MACROD2: variants seen among roughly 807,000 people sequenced by gnomAD.
The protein encoded by MACROD2 is ADP-ribose glycohydrolase MACROD2.
MACROD2 carries 36 observed loss-of-function variants against 70.4 expected under a neutral mutation model. That is an observed-to-expected ratio of 0.51 (90% CI 0.39 to 0.68). The LOEUF (loss-of-function observed/expected upper bound fraction) is 0.68, where lower values mean the gene tolerates loss of function less well. Among genes scored for constraint, MACROD2 ranks in the 30% least tolerant of loss-of-function variants. The pLI, the probability that MACROD2 is intolerant of heterozygous loss-of-function variation, is 0.00. For missense variants in MACROD2, 496 were observed against 538.4 expected, an observed-to-expected ratio of 0.92 and a Z score of 0.78; for synonymous variants, 172 against 178.8, an observed-to-expected ratio of 0.96 and a Z score of 0.30.
chr20:16,042,971 T>C (rs890605893), intron 16 of MACROD2, among the ~76,000 whole-genome samples: 4 of 152,022 alleles, frequency 2.6e-5, no homozygotes, highest in Admixed American at 2.0e-4. Context: ...TAATTTCATG[T>C]TTGTGAAAAA....
At chr20:15,536,713 GAAT>G (rs1281797942) in intron 8 of MACROD2, among the ~76,000 whole-genome samples, 4 of 152,154 alleles carry the variant, frequency 2.6e-5, no homozygotes, top group Non-Finnish European at 5.9e-5. Context: ...AACAACTTCT[GAAT>G]AATAATTTCT....
intron 3 of MACROD2, among the ~76,000 whole-genome samples, chr20:14,255,187 TA>T (rs2082043706): frequency 1.3e-5 from 2 of 152,060 alleles, no homozygotes; most frequent in South Asian, 4.2e-4. Context: ...ACCTTAAATG[TA>T]AATGGGCTAA....
intron 3 of MACROD2, among the ~76,000 whole-genome samples, chr20:14,337,845 T>C (rs1202068249): frequency 6.6e-6 from 1 of 152,170 alleles, no homozygotes. Context: ...AATCTCAACA[T>C]TTTCTAAAGT....
chr20:14,826,445 A>G (rs1045441353), intron 5 of MACROD2, among the ~76,000 whole-genome samples: 6 of 152,054 alleles, frequency 3.9e-5, no homozygotes, highest in Non-Finnish European at 7.4e-5. Flanking sequence ...ATTTGTTTTA[A>G]GATTCTGTTT....
At chr20:15,702,057 G>A (rs905125287) in intron 8 of MACROD2, among the ~76,000 whole-genome samples, 5 of 152,158 alleles carry the variant, frequency 3.3e-5, no homozygotes, top group African/African-American at 9.7e-5. Context: ...CCTTTATCCA[G>A]TCTACCATTG....
chr20:15,210,980 C>G (rs541123354), intron 5 of MACROD2, among the ~76,000 whole-genome samples: 1 of 152,264 alleles, frequency 6.6e-6, no homozygotes, highest in Admixed American at 6.5e-5. Flanking sequence ...TTTTTTCAAA[C>G]GTACAATTCA....
chr20:14,063,418 A>AT (rs1471111804), intron 2 of MACROD2, among the ~76,000 whole-genome samples: 4 of 152,190 alleles, frequency 2.6e-5, no homozygotes, highest in African/African-American at 9.7e-5. Flanking sequence ...TTTTAGGCAC[A>AT]TCCATATGCT....
At chr20:15,978,018 A>G (rs1192960256) in intron 13 of MACROD2, among the ~76,000 whole-genome samples, 1 of 152,164 alleles carries the variant, frequency 6.6e-6, no homozygotes, top group Non-Finnish European at 1.5e-5. Flanking sequence ...TTTTTATGGG[A>G]TCAATAATTT....
chr20:15,138,091 T>A (rs2076164293), intron 5 of MACROD2, among the ~76,000 whole-genome samples: 1 of 152,148 alleles, frequency 6.6e-6, no homozygotes, highest in Non-Finnish European at 1.5e-5. Flanking sequence ...TTATATATTC[T>A]GATATGAGAT....
intron 8 of MACROD2, among the ~76,000 whole-genome samples, chr20:15,557,249 T>G (rs1421920163): frequency 1.3e-5 from 2 of 152,176 alleles, no homozygotes; most frequent in African/African-American, 4.8e-5. Context: ...TAGGAACAAT[T>G]CTGTTTAGTA....
At chr20:15,247,534 G>A (rs568802087) in intron 6 of MACROD2, among the ~76,000 whole-genome samples, 2 of 152,264 alleles carry the variant, frequency 1.3e-5, no homozygotes, top group East Asian at 3.9e-4. Flanking sequence ...CGAACTTTCT[G>A]TTGGGACCTG....
intron 3 of MACROD2, among the ~76,000 whole-genome samples, chr20:14,277,200 A>C (rs6135107): frequency 0.17 from 26,358 of 152,122 alleles, 2,661 homozygotes; most frequent in South Asian, 0.27. Context: ...CTGTAATCCC[A>C]GCACTTTGGG....
chr20:14,955,881 C>A (rs751183035), intron 5 of MACROD2, among the ~76,000 whole-genome samples: 1 of 152,062 alleles, frequency 6.6e-6, no homozygotes, highest in Non-Finnish European at 1.5e-5. Flanking sequence ...GGAGAAGGAC[C>A]CACAATCACT....
chr20:14,423,559 G>T (rs1272948835), intron 3 of MACROD2, among the ~76,000 whole-genome samples: 2 of 151,338 alleles, frequency 1.3e-5, no homozygotes, highest in East Asian at 2.0e-4. Context: ...AATTAACCGC[G>T]CATGGTGGCG....
At chr20:15,724,652 T>G (rs2050835333) in intron 8 of MACROD2, among the ~76,000 whole-genome samples, 1 of 152,194 alleles carries the variant, frequency 6.6e-6, no homozygotes, top group African/African-American at 2.4e-5. Flanking sequence ...ATTTGTATAT[T>G]TTTTCACCAA....
chr20:14,213,361 C>CCAAAAA (rs2081586130), intron 3 of MACROD2, among the ~76,000 whole-genome samples: 1 of 30,262 alleles, frequency 3.3e-5, no homozygotes, highest in Non-Finnish European at 5.4e-5. Context: ...CTTCTAGTGG[C>CCAAAAA]AAAAAAAAAA....
At chr20:14,191,071 A>T (rs998498570) in intron 3 of MACROD2, among the ~76,000 whole-genome samples, 4 of 152,072 alleles carry the variant, frequency 2.6e-5, no homozygotes, top group Non-Finnish European at 4.4e-5. Context: ...TTTAAATCTC[A>T]GAGGCACATT....
Position 14,133,069 on chromosome 20 carries a change from A to C in MACROD2, c.271+47341A>C, listed in dbSNP as rs184737995. The stretch of plus-strand genomic sequence containing the variant: ...TGATTATGGAGGCTGACTAGTTACA[A>C]GATCTGCAGTTGGCAAGCTGAGGAG... On this transcript the variant is annotated intron_variant, in intron 3 of 17. Coordinates refer to ENST00000684519, the MANE Select transcript of MACROD2 (RefSeq NM_001351661.2). Among the ~76,000 whole-genome samples, 59 of 152,306 alleles carry C rather than the reference A, an allele frequency of 3.9e-4. 1 individual carries two copies. The highest frequency in any genetic ancestry group is 1.3e-3 in the African/African-American group (55 of 41,580).
chr20:14,830,109 G>A (rs1245425205), intron 5 of MACROD2, among the ~76,000 whole-genome samples: 5 of 152,084 alleles, frequency 3.3e-5, no homozygotes, highest in Admixed American at 2.6e-4. Context: ...AGATGCAATG[G>A]GTTTCTAGTT....
Sources: gnomAD v4.1 joint callset for allele counts (sites outside exome capture counted in the v4.1 genomes callset) on GRCh38, gnomAD v4.1.1 for gene constraint, MANE v1.5 for transcripts, NCBI Gene and HGNC (gene_info 2026-07-23, HGNC 2026-07-21) for gene names.